The following MSI2 variants were observed in gnomAD, a reference collection of about 807,000 sequenced individuals.
The protein encoded by MSI2 is musashi RNA binding protein 2.
A neutral mutation model predicts 45.6 loss-of-function variants in MSI2; 17 were observed. That is an observed-to-expected ratio of 0.37 (90% CI 0.26 to 0.56). The LOEUF (loss-of-function observed/expected upper bound fraction) is 0.56, where lower values mean the gene tolerates loss of function less well. Among genes scored for constraint, MSI2 ranks in the 20% least tolerant of loss-of-function variants. The pLI is 0.77. For missense variants in MSI2, 293 were observed against 444.2 expected, an observed-to-expected ratio of 0.66 and a Z score of 3.06; for synonymous variants, 156 against 158.2, an observed-to-expected ratio of 0.99 and a Z score of 0.11.
At chr17:57,636,638 G>A (rs713238) in intron 10 of MSI2, among the ~76,000 whole-genome samples, 60,787 of 152,106 alleles carry the variant, frequency 0.4, 12,770 homozygotes, top group Non-Finnish European at 0.46. Context: ...CTGCGGAGGC[G>A]ATTCCAGGCT....
intron 5 of MSI2, among the ~76,000 whole-genome samples, chr17:57,297,962 C>T (rs1222850192): frequency 2.6e-5 from 4 of 152,156 alleles, no homozygotes; most frequent in Admixed American, 6.5e-5. Context: ...GCAGTTATTT[C>T]CTGCACTGAA....
intron 6 of MSI2, among the ~76,000 whole-genome samples, chr17:57,439,156 C>T (rs1190772110): frequency 1.3e-5 from 2 of 152,110 alleles, no homozygotes; most frequent in African/African-American, 4.8e-5. Context: ...TTCTGTTTCC[C>T]GAGGCATGAT....
chr17:57,622,736 T>C (rs1251615865), intron 9 of MSI2, among the ~76,000 whole-genome samples: 1 of 152,150 alleles, frequency 6.6e-6, no homozygotes, highest in Non-Finnish European at 1.5e-5. Context: ...GATTGGAGAT[T>C]GGCTGGAACT....
intron 10 of MSI2, among the ~76,000 whole-genome samples, chr17:57,640,549 A>T (rs1168144466): frequency 1.3e-5 from 2 of 152,226 alleles, no homozygotes; most frequent in Non-Finnish European, 2.9e-5. Flanking sequence ...CAACGCCATC[A>T]TCTCACTGAA....
intron 5 of MSI2, among the ~76,000 whole-genome samples, chr17:57,386,618 G>C (rs776036989): frequency 6.6e-6 from 1 of 152,164 alleles, no homozygotes; most frequent in Non-Finnish European, 1.5e-5. Flanking sequence ...CATTCTGGAG[G>C]GTGCATTGAC....
intron 5 of MSI2, among the ~76,000 whole-genome samples, chr17:57,390,622 T>A (rs1230756188): frequency 6.6e-6 from 1 of 152,218 alleles, no homozygotes; most frequent in African/African-American, 2.4e-5. Context: ...TTTGTTCTTT[T>A]CGTGAAATCA....
At chr17:57,284,457 T>G (rs1909697135) in intron 5 of MSI2, among the ~76,000 whole-genome samples, 3 of 152,304 alleles carry the variant, frequency 2.0e-5, no homozygotes, top group Admixed American at 1.3e-4. Flanking sequence ...TGTGCCTGTG[T>G]GTTTTTTCTC....
intron 7 of MSI2, among the ~76,000 whole-genome samples, chr17:57,581,772 G>A (rs920211885): frequency 6.6e-6 from 1 of 152,166 alleles, no homozygotes; most frequent in African/African-American, 2.4e-5. Context: ...ATCTGTGAAT[G>A]TATTAATCCT....
chr17:57,335,132 G>T (rs1287350169), intron 5 of MSI2, among the ~76,000 whole-genome samples: 1 of 152,130 alleles, frequency 6.6e-6, no homozygotes, highest in Admixed American at 6.5e-5. Flanking sequence ...GACATATTTT[G>T]GCTTTGTTGG....
intron 5 of MSI2, among the ~76,000 whole-genome samples, chr17:57,298,554 G>A (rs778487152): frequency 5.3e-5 from 8 of 152,116 alleles, no homozygotes; most frequent in African/African-American, 1.9e-4. Flanking sequence ...CCAGCTACTC[G>A]GGAGGCTGAG....
At chr17:57,689,214 A>C (rs1282667125), downstream of MSI2, among the ~76,000 whole-genome samples, 1 of 152,102 alleles carries the variant, frequency 6.6e-6, no homozygotes, top group African/African-American at 2.4e-5. Context: ...TCTAGGGTAC[A>C]TGTGCTTATT....
chr17:57,485,541 A>G (rs2085736209), intron 6 of MSI2, among the ~76,000 whole-genome samples: 1 of 152,218 alleles, frequency 6.6e-6, no homozygotes, highest in East Asian at 1.9e-4. Context: ...TCCTTGCGAA[A>G]CATGGAGCTG....
intron 7 of MSI2, among the ~76,000 whole-genome samples, chr17:57,533,913 G>C (rs1006857416): frequency 6.6e-6 from 1 of 152,218 alleles, no homozygotes; most frequent in Admixed American, 6.5e-5. Context: ...CCAGCCACTG[G>C]GAAGGAGGTC....
intron 7 of MSI2, among the ~76,000 whole-genome samples, chr17:57,547,095 T>A (rs898890939): frequency 2.0e-5 from 3 of 152,146 alleles, no homozygotes; most frequent in African/African-American, 7.2e-5. Context: ...GGCAGAGAAC[T>A]GTGAGAAAGG....
intron 5 of MSI2, among the ~76,000 whole-genome samples, chr17:57,378,074 C>CAA (rs1226149152): frequency 4.3e-5 from 4 of 92,750 alleles, no homozygotes; most frequent in Non-Finnish European, 6.9e-5. Flanking sequence ...GACATCATCT[C>CAA]AAAAAAAAAA....
chr17:57,607,430 A>G (rs568377786), intron 8 of MSI2, among the ~76,000 whole-genome samples: 1 of 152,338 alleles, frequency 6.6e-6, no homozygotes, highest in East Asian at 1.9e-4. Flanking sequence ...CTTCCTCTGT[A>G]GACTGCATGG....
upstream of MSI2, chr17:57,256,467 T>G (rs922614765): frequency 0.02 from 1,268 of 63,158 alleles, no homozygotes; most frequent in African/African-American, 0.051. Context: ...GAGATGGGGG[T>G]GGGGAGGAGG....
At chr17:57,618,123 G>A (rs371867346) in intron 9 of MSI2, 6 of 150,934 alleles carry the variant, frequency 4.0e-5, no homozygotes, top group Admixed American at 6.6e-5. Context: ...GTGTGGTGGC[G>A]TGCACCTATG....
At chr17:57,639,041 G>C (rs2144646944) in intron 10 of MSI2, among the ~76,000 whole-genome samples, 1 of 152,260 alleles carries the variant, frequency 6.6e-6, no homozygotes, top group South Asian at 2.1e-4. Flanking sequence ...GTCCTTTCAT[G>C]GTCAAAGAGG....
Sources: allele counts gnomAD v4.1 joint callset (sites outside exome capture counted in the v4.1 genomes callset), GRCh38; gene constraint gnomAD v4.1.1; transcripts MANE v1.5; gene names NCBI Gene and HGNC (gene_info 2026-07-23, HGNC 2026-07-21).